MAGI2: variants seen among roughly 807,000 people sequenced by gnomAD.
MAGI2 encodes the protein membrane-associated guanylate kinase, WW and PDZ domain-containing protein 2.
Under a neutral mutation model 133.3 loss-of-function variants are expected in MAGI2, and 35 were observed. The ratio of observed to expected loss-of-function variants is 0.26; its 90% confidence interval spans 0.20 to 0.35. MAGI2 has a LOEUF of 0.35. Ranked by LOEUF, MAGI2 falls within the 10% of genes least tolerant of loss-of-function variation. The pLI, the probability that MAGI2 is intolerant of heterozygous loss-of-function variation, is 1.00. For missense variants in MAGI2, 1,636 were observed against 1,863.4 expected, an observed-to-expected ratio of 0.88 and a Z score of 2.25; for synonymous variants, 729 against 710.6, an observed-to-expected ratio of 1.03 and a Z score of -0.41.
intron 1 of MAGI2, among the ~76,000 whole-genome samples, chr7:79,368,778 G>T (rs958440145): frequency 1.3e-5 from 2 of 148,356 alleles, no homozygotes; most frequent in South Asian, 2.1e-4. Flanking sequence ...AACCCGGGAG[G>T]CGGAGCTTGC....
rs891044051 is a variant in MAGI2 at position 78,203,550 on chromosome 7, C to A, written c.2048-2357G>T. 3.3e-5 allele frequency among the ~76,000 whole-genome samples: 5 copies of A among 152,254 alleles called. No individual in the cohort carries two copies. In the East Asian group the frequency reaches 9.6e-4, roughly 29 times the overall value. On this transcript the variant is annotated intron_variant, in intron 10 of 21. Coordinates refer to ENST00000354212, the MANE Select transcript of MAGI2 (RefSeq NM_012301.4). ...CAGACCATTGGTGCAACCCAGGGCT[C>A]CTTTACTGCTCACGTGATGGCAGTT...
At chr7:79,384,481 A>G (rs1445503636) in intron 1 of MAGI2, among the ~76,000 whole-genome samples, 1 of 151,606 alleles carries the variant, frequency 6.6e-6, no homozygotes, top group Non-Finnish European at 1.5e-5. Context: ...ATCATTTGCT[A>G]TATAACTTTT....
At chr7:79,274,020 A>T (rs1174359271) in intron 1 of MAGI2, among the ~76,000 whole-genome samples, 2 of 152,106 alleles carry the variant, frequency 1.3e-5, no homozygotes, top group Non-Finnish European at 2.9e-5. Flanking sequence ...CATGGTTCTC[A>T]GCCTTGATGC....
At chr7:78,064,872 A>G (rs1230007861) in intron 21 of MAGI2, among the ~76,000 whole-genome samples, 1 of 152,078 alleles carries the variant, frequency 6.6e-6, no homozygotes, top group Non-Finnish European at 1.5e-5. Flanking sequence ...TATGGGTTAC[A>G]TTTTCTTTCC....
intron 2 of MAGI2, among the ~76,000 whole-genome samples, chr7:78,852,192 C>A (rs1360388489): frequency 6.6e-6 from 1 of 151,902 alleles, no homozygotes; most frequent in Non-Finnish European, 1.5e-5. Context: ...ATTTTTATTG[C>A]CCCATTGCTT....
rs183406079 is a variant in MAGI2, at chr7:79,004,599, T to C, written c.418+2491A>G. On this transcript the variant is annotated intron_variant, in intron 2 of 21. Transcript: ENST00000354212. ...TATATTTCAAAGTAGCTAAATGAAATAAATAGAATTGTTCCCAACACATAG... is the reference window on the plus strand; with the variant it reads ...TATATTTCAAAGTAGCTAAATGAAACAAATAGAATTGTTCCCAACACATAG... Among the ~76,000 whole-genome samples, 94 of 152,266 alleles carry C rather than the reference T, an allele frequency of 6.2e-4. 1 individual carries two copies. The highest frequency in any genetic ancestry group is 6.2e-4 in the Non-Finnish European group (42 of 68,008).
intron 2 of MAGI2, among the ~76,000 whole-genome samples, chr7:78,929,056 G>T (rs1360503992): frequency 1.3e-5 from 2 of 151,968 alleles, no homozygotes; most frequent in African/African-American, 4.8e-5. Flanking sequence ...GAATATTAAA[G>T]AATAATGTTA....
intron 16 of MAGI2, among the ~76,000 whole-genome samples, chr7:78,143,070 A>G (rs3807700): frequency 0.27 from 40,539 of 152,014 alleles, 5,574 homozygotes; most frequent in African/African-American, 0.32. Context: ...ATGTATTTCC[A>G]TTGCCCAATA....
intron 9 of MAGI2, among the ~76,000 whole-genome samples, chr7:78,335,471 C>T (rs2691543): frequency 0.93 from 141,387 of 152,288 alleles, 65,795 homozygotes; most frequent in East Asian, 1. Context: ...AACGTTGGAC[C>T]CCCAAGTATC....
intron 20 of MAGI2, among the ~76,000 whole-genome samples, chr7:78,087,768 A>C (rs1816788885): frequency 6.6e-6 from 1 of 152,254 alleles, no homozygotes; most frequent in Non-Finnish European, 1.5e-5. Flanking sequence ...TGTTGGGCAG[A>C]TAATCCAAAC....
chr7:79,262,491 A>C (rs1329624038), intron 1 of MAGI2, among the ~76,000 whole-genome samples: 1 of 152,234 alleles, frequency 6.6e-6, no homozygotes, highest in Non-Finnish European at 1.5e-5. Context: ...AGCCAAAGAA[A>C]TATTTTTGAG....
intron 9 of MAGI2, among the ~76,000 whole-genome samples, chr7:78,305,696 T>C (rs916242560): frequency 3.3e-5 from 5 of 152,204 alleles, no homozygotes; most frequent in African/African-American, 1.2e-4. Context: ...TCCCTTTGCA[T>C]TCTCCAAGGA....
intron 1 of MAGI2, among the ~76,000 whole-genome samples, chr7:79,378,972 T>TATATATATATATA (rs1563168440): frequency 1.3e-5 from 1 of 76,736 alleles, no homozygotes; most frequent in African/African-American, 4.9e-5. Context: ...ATATATATAT[T>TATATATATATATA]AAACTTTAAG....
In MAGI2 at chr7:79,246,049, T is replaced by A. The variant is rs550121109; in HGVS notation, c.301+206971A>T. Among the ~76,000 whole-genome samples the A allele has an allele frequency of 2.0e-5, 3 of 152,280 alleles. No individual in the cohort carries two copies. In the South Asian group the frequency reaches 6.2e-4, roughly 32 times the overall value. On this transcript the variant is annotated intron_variant, in intron 1 of 21. Coordinates refer to ENST00000354212, the MANE Select transcript of MAGI2 (RefSeq NM_012301.4). ...CAGGGCAGTAACATATAGACCAAGG[T>A]GGTATGTAAGACCTACAGCATTACT...
intron 2 of MAGI2, among the ~76,000 whole-genome samples, chr7:78,635,214 C>G (rs1809499658): frequency 6.6e-6 from 1 of 152,188 alleles, no homozygotes; most frequent in Admixed American, 6.5e-5. Context: ...TGTCATTTTG[C>G]TACCATGGCA....
rs1163713419 is a variant in MAGI2 at position 78,597,639 on chromosome 7, T to C, written c.538+29481A>G. 2.0e-5 allele frequency among the ~76,000 whole-genome samples: 3 copies of C among 152,192 alleles called. No homozygotes were observed. The East Asian group carries it at 5.8e-4, about 29-fold the overall frequency. On this transcript the variant is annotated intron_variant, in intron 3 of 21. Coordinates refer to ENST00000354212, the MANE Select transcript of MAGI2 (RefSeq NM_012301.4). ...AATATGGGTAGACTCTCGAGATACA[T>C]AAACTGCCCTTATCCTTCCTGCTTT...
chr7:79,338,091 T>C (rs1840574027), intron 1 of MAGI2, among the ~76,000 whole-genome samples: 2 of 151,414 alleles, frequency 1.3e-5, no homozygotes, highest in South Asian at 4.1e-4. Context: ...GAAAAAAAAA[T>C]ACTTTTGCAC....
intron 9 of MAGI2, among the ~76,000 whole-genome samples, chr7:78,305,484 G>T (rs1798178841): frequency 1.3e-5 from 2 of 152,144 alleles, no homozygotes; most frequent in Non-Finnish European, 2.9e-5. Flanking sequence ...ATGACTATCT[G>T]TTTAAGGCAA....
intron 2 of MAGI2, among the ~76,000 whole-genome samples, chr7:78,733,516 A>G (rs892925486): frequency 6.6e-6 from 1 of 152,226 alleles, no homozygotes; most frequent in Admixed American, 6.5e-5. Flanking sequence ...TAATAGAATC[A>G]TTCTAGTAAA....
Sources: allele counts gnomAD v4.1 joint callset (sites outside exome capture counted in the v4.1 genomes callset), GRCh38; gene constraint gnomAD v4.1.1; transcripts MANE v1.5; gene names NCBI Gene and HGNC (gene_info 2026-07-23, HGNC 2026-07-21).